The following S100Z variants were observed in gnomAD, a reference collection of about 807,000 sequenced individuals.
The protein encoded by S100Z is S100 calcium binding protein Z.
Under a neutral mutation model 8.5 loss-of-function variants are expected in S100Z, and 11 were observed. That is an observed-to-expected ratio of 1.30 (90% confidence interval 0.82 to 2.15). The LOEUF is 2.15. Ranked by LOEUF, S100Z falls within the 30% of genes most tolerant of loss-of-function variation. S100Z has a pLI of 0.00. For missense variants in S100Z, 126 were observed against 117.9 expected (o/e 1.07, Z -0.32); for synonymous variants, 34 against 43.8 (o/e 0.78, Z 0.89).
chr5:76,881,804 A>G (rs964024655), intron 4 of S100Z, among the ~76,000 whole-genome samples: 4 of 152,244 alleles, frequency 2.6e-5, no homozygotes, highest in African/African-American at 9.6e-5. Flanking sequence ...TTGGAACTCT[A>G]GCTGCTTTTT....
chr5:76,925,300 G>T (rs1010032138), downstream of S100Z, among the ~76,000 whole-genome samples: 71 of 152,152 alleles, frequency 4.7e-4, no homozygotes, highest in African/African-American at 1.6e-3. Flanking sequence ...AGTATGCGGG[G>T]GTGTGAACGC....
the S100Z span, among the ~76,000 whole-genome samples, chr5:76,933,815 C>G: frequency 6.6e-6 from 1 of 152,110 alleles, no homozygotes; most frequent in Non-Finnish European, 1.5e-5. Context: ...GTGGGACAAT[C>G]ACCACCACCC....
chr5:76,933,437 G>C, the S100Z span, among the ~76,000 whole-genome samples: 6 of 152,176 alleles, frequency 3.9e-5, no homozygotes, highest in Non-Finnish European at 7.4e-5. Context: ...ATGTTCCCTA[G>C]AGAGCTGAGC....
chr5:76,895,240 T>C (rs1743995975), intron 4 of S100Z, among the ~76,000 whole-genome samples: 1 of 152,172 alleles, frequency 6.6e-6, no homozygotes. Context: ...GTTTTAAAAC[T>C]TGTTTACGGT....
At chr5:76,931,579 C>A in the S100Z span, among the ~76,000 whole-genome samples, 17 of 152,132 alleles carry the variant, frequency 1.1e-4, no homozygotes, top group Admixed American at 1.1e-3. Flanking sequence ...GACATTCAGT[C>A]CATAATAGGA....
chr5:76,888,061 G>T (rs1743711293), intron 4 of S100Z, among the ~76,000 whole-genome samples: 1 of 151,816 alleles, frequency 6.6e-6, no homozygotes, highest in South Asian at 2.1e-4. Flanking sequence ...TTCAAGACCA[G>T]CCTGGTTAAT....
At chr5:76,918,939 T>C (rs1244565719) in intron 4 of S100Z, among the ~76,000 whole-genome samples, 1 of 152,252 alleles carries the variant, frequency 6.6e-6, no homozygotes, top group East Asian at 1.9e-4. Flanking sequence ...ATTGGAGTTA[T>C]ATGGTACCTA....
chr5:76,875,749 C>G (rs529370388), intron 3 of S100Z, among the ~76,000 whole-genome samples: 1 of 152,170 alleles, frequency 6.6e-6, no homozygotes, highest in East Asian at 1.9e-4. Context: ...TGACTTTCAC[C>G]AATTAACATT....
At chr5:76,883,824 TG>T (rs958273692) in intron 4 of S100Z, among the ~76,000 whole-genome samples, 3 of 152,160 alleles carry the variant, frequency 2.0e-5, no homozygotes, top group African/African-American at 7.2e-5. Flanking sequence ...CTTGGCCCAG[TG>T]GCCAGATTTC....
At chr5:76,886,846 A>G (rs1446946939) in intron 4 of S100Z, among the ~76,000 whole-genome samples, 1 of 152,216 alleles carries the variant, frequency 6.6e-6, no homozygotes, top group African/African-American at 2.4e-5. Flanking sequence ...TGGGGCGATT[A>G]CAAAGTACAT....
At chr5:76,910,846 C>T (rs1744628102) in intron 4 of S100Z, among the ~76,000 whole-genome samples, 1 of 152,214 alleles carries the variant, frequency 6.6e-6, no homozygotes, top group African/African-American at 2.4e-5. Flanking sequence ...GGTCCGTTAC[C>T]ATCCGAGGAA....
the S100Z span, among the ~76,000 whole-genome samples, chr5:76,946,089 C>T: frequency 6.6e-6 from 1 of 152,176 alleles, no homozygotes; most frequent in South Asian, 2.1e-4. Context: ...TGGTTAATTT[C>T]CAAGGCTATT....
At chr5:76,862,356 C>T (rs952413809) in intron 1 of S100Z, among the ~76,000 whole-genome samples, 2 of 152,178 alleles carry the variant, frequency 1.3e-5, no homozygotes, top group Non-Finnish European at 1.5e-5. Flanking sequence ...GGGCAGCATA[C>T]AGGCCACATC....
At chr5:76,878,579 C>T (rs368011514) in intron 4 of S100Z, among the ~76,000 whole-genome samples, 12 of 152,316 alleles carry the variant, frequency 7.9e-5, no homozygotes, top group African/African-American at 2.6e-4. Context: ...GACTTCTACA[C>T]GAACCCTGGC....
At chr5:76,875,265 A>C in intron 2 of S100Z, 39 bp from the exon 3 acceptor site, 1 of 1,071,344 alleles carries the variant, frequency 9.3e-7, no homozygotes, top group Admixed American at 2.8e-5. Flanking sequence ...TGTTTTAATG[A>C]AAGTGTTGGT....
chr5:76,920,228 T>C (rs1452552959), intron 4 of S100Z, among the ~76,000 whole-genome samples: 2 of 152,108 alleles, frequency 1.3e-5, no homozygotes, highest in African/African-American at 4.8e-5. Context: ...TTTTTTAAAT[T>C]GGGTGGTTTG....
the S100Z span, among the ~76,000 whole-genome samples, chr5:76,942,070 G>A: frequency 1.1e-4 from 16 of 151,722 alleles, no homozygotes; most frequent in African/African-American, 3.9e-4. Context: ...TTTATACCAT[G>A]ATATTTAAAA....
intron 1 of S100Z, among the ~76,000 whole-genome samples, chr5:76,860,655 C>T (rs563658111): frequency 1.7e-4 from 26 of 152,096 alleles, no homozygotes; most frequent in Admixed American, 1.4e-3. Context: ...GGTGATGCTT[C>T]GGAATCAGAA....
the S100Z span, among the ~76,000 whole-genome samples, chr5:76,944,218 G>A: frequency 1.9e-4 from 29 of 152,242 alleles, no homozygotes; most frequent in East Asian, 3.5e-3. Flanking sequence ...TGCCTGGTGG[G>A]TGCCACATCT....
Sources: gnomAD v4.1 joint callset for allele counts (sites outside exome capture counted in the v4.1 genomes callset) on GRCh38, gnomAD v4.1.1 for gene constraint, MANE v1.5 for transcripts, NCBI Gene and HGNC (gene_info 2026-07-23, HGNC 2026-07-21) for gene names.